The following STARD13 variants were observed in gnomAD, a reference collection of about 807,000 sequenced individuals.
STARD13 encodes the protein stAR-related lipid transfer protein 13.
In STARD13, 62 loss-of-function variants were observed where a neutral mutation model predicts 106.4. The ratio of observed to expected loss-of-function variants is 0.58; its 90% CI spans 0.48 to 0.72. The LOEUF (loss-of-function observed/expected upper bound fraction) is 0.72, where lower values mean the gene tolerates loss of function less well. Ranked by LOEUF, STARD13 falls within the 30% of genes least tolerant of loss-of-function variation. STARD13 has a pLI of 0.00. For missense variants in STARD13, 1,387 were observed against 1,424.0 expected, an observed-to-expected ratio of 0.97 and a Z score of 0.42; for synonymous variants, 565 against 553.0, an observed-to-expected ratio of 1.02 and a Z score of -0.31.
chr13:33,224,482 C>A (rs1211456199), intron 1 of STARD13, among the ~76,000 whole-genome samples: 1 of 152,148 alleles, frequency 6.6e-6, no homozygotes, highest in African/African-American at 2.4e-5. Context: ...CCATATTACT[C>A]CCTCAAGGAC....
the STARD13 span, among the ~76,000 whole-genome samples, chr13:33,432,897 C>T: frequency 1.4e-4 from 22 of 152,176 alleles, no homozygotes; most frequent in African/African-American, 2.9e-4. Context: ...AATGAAATAA[C>T]GCTTTATTTT....
chr13:33,511,486 G>A, the STARD13 span: 1 of 152,086 alleles, frequency 6.6e-6, no homozygotes, highest in Admixed American at 6.6e-5. Context: ...CTGTATTAGA[G>A]GGTGATTCCC....
the STARD13 span, among the ~76,000 whole-genome samples, chr13:33,424,000 G>A: frequency 6.6e-6 from 1 of 152,090 alleles, no homozygotes; most frequent in Non-Finnish European, 1.5e-5. Context: ...TGTAAATGAT[G>A]AGTTGATGTG....
chr13:33,121,947 G>A (rs144548129), intron 7 of STARD13, among the ~76,000 whole-genome samples: 14,489 of 151,948 alleles, frequency 0.095, 842 homozygotes, highest in East Asian at 0.25. Context: ...CTGGGTTCAA[G>A]CAATTCTCCT....
chr13:33,561,426 T>G, the STARD13 span, among the ~76,000 whole-genome samples: 1 of 151,666 alleles, frequency 6.6e-6, no homozygotes, highest in Non-Finnish European at 1.5e-5. Context: ...CTGTGATCAC[T>G]TTTAGAAATA....
chr13:33,443,888 CAAAAA>C, the STARD13 span, among the ~76,000 whole-genome samples: 2 of 50,186 alleles, frequency 4.0e-5, no homozygotes, highest in Admixed American at 4.1e-4. Context: ...GACTCAGTCT[CAAAAA>C]AAAAAAAAAA....
Position 33,110,872 on chromosome 13 carries a change from C to A in STARD13, c.2643G>T (p.Ser881=). The A allele has an allele frequency of 6.2e-7, 1 of 1,613,606 alleles. No homozygotes were observed. ...PHELVAQSRN[S]YVEAEIHVPT... is the part of the protein sequence containing the mutation. Reference sequence around the variant, plus strand: ...GCACGTGGATCTCAGCCTCCACATACGAGTTACGAGACTGGGCCACCAACT... The same window carrying A: ...GCACGTGGATCTCAGCCTCCACATAAGAGTTACGAGACTGGGCCACCAACT... The change falls in exon 11 of 14, where the codon TCG becomes TCT. Residue 881 remains serine (S), a synonymous_variant. Coordinates refer to ENST00000336934, the MANE Select transcript of STARD13 (RefSeq NM_178006.4).
chr13:33,627,866 T>C, the STARD13 span, among the ~76,000 whole-genome samples: 2 of 152,058 alleles, frequency 1.3e-5, no homozygotes, highest in Admixed American at 1.3e-4. Flanking sequence ...GCAACCACAA[T>C]AGTGAGATGA....
At chr13:33,251,440 T>A (rs1890092076) in intron 1 of STARD13, among the ~76,000 whole-genome samples, 2 of 152,352 alleles carry the variant, frequency 1.3e-5, no homozygotes, top group African/African-American at 4.8e-5. Context: ...TTAGGATGAT[T>A]CATTCCCCAG....
intron 1 of STARD13, among the ~76,000 whole-genome samples, chr13:33,248,590 C>G (rs1008250773): frequency 5.3e-5 from 8 of 152,160 alleles, no homozygotes; most frequent in African/African-American, 1.9e-4. Flanking sequence ...CTCCACACTG[C>G]TCCCCCATCC....
At chr13:33,548,086 T>C in the STARD13 span, among the ~76,000 whole-genome samples, 3 of 152,242 alleles carry the variant, frequency 2.0e-5, no homozygotes, top group African/African-American at 7.2e-5. Context: ...TCATCCCTGC[T>C]TTCTTTTACA....
At chr13:33,634,647 A>T in the STARD13 span, among the ~76,000 whole-genome samples, 1 of 152,196 alleles carries the variant, frequency 6.6e-6, no homozygotes, top group Admixed American at 6.5e-5. Context: ...TCTATGTTGT[A>T]CCAGAACTGA....
intron 1 of STARD13, among the ~76,000 whole-genome samples, chr13:33,180,889 C>T (rs916807442): frequency 6.6e-5 from 10 of 152,088 alleles, no homozygotes; most frequent in African/African-American, 1.7e-4. Flanking sequence ...TTTTGCTTCT[C>T]TAAAATAAGG....
chr13:33,201,886 G>T (rs1466240099), intron 1 of STARD13, among the ~76,000 whole-genome samples: 1 of 152,052 alleles, frequency 6.6e-6, no homozygotes, highest in Non-Finnish European at 1.5e-5. Context: ...TACATAATCT[G>T]TCAGGCAACC....
rs34427794 is a variant in STARD13, at chr13:33,329,655, ATGTG to A, written c.124+20631_124+20634del. 1.6e-3 allele frequency among the ~76,000 whole-genome samples: 236 copies of A among 143,866 alleles called. 1 individual carries two copies. The highest frequency in any genetic ancestry group is 7.1e-3 in the Middle Eastern group (2 of 280). 94.4% of individuals were successfully genotyped at this position (143,866 alleles called of 152,430 possible). On this transcript the variant is annotated intron_variant, in intron 1 of 5. Transcript: ENST00000567873. ...GAATAATATTCCATTGTGTGTGTGTATGTGTGTGTGTGTGTGTGTGTGTGTGATT... is the reference window on the plus strand; with the variant it reads ...GAATAATATTCCATTGTGTGTGTGTATGTGTGTGTGTGTGTGTGTGTGATT...
chr13:33,345,768 T>C (rs2078010668), downstream of STARD13, among the ~76,000 whole-genome samples: 1 of 152,200 alleles, frequency 6.6e-6, no homozygotes, highest in Admixed American at 6.5e-5. Context: ...ACATCATTCA[T>C]ATCTTATCTT....
At chr13:33,215,118 T>TTG (rs1377835151) in intron 1 of STARD13, among the ~76,000 whole-genome samples, 4 of 25,894 alleles carry the variant, frequency 1.5e-4, no homozygotes, top group African/African-American at 6.2e-4. Context: ...GAATGAGTAC[T>TTG]TGGGGGGGGG....
intron 1 of STARD13, among the ~76,000 whole-genome samples, chr13:33,196,570 G>T (rs181125575): frequency 6.6e-6 from 1 of 152,144 alleles, no homozygotes; most frequent in Non-Finnish European, 1.5e-5. Flanking sequence ...TTACCTCCAC[G>T]CTTGCTTTCA....
intron 1 of STARD13, among the ~76,000 whole-genome samples, chr13:33,198,001 T>A (rs569875803): frequency 6.6e-6 from 1 of 152,248 alleles, no homozygotes; most frequent in African/African-American, 2.4e-5. Flanking sequence ...AAACCCCGCC[T>A]CTACTAAAAA....
Sources: gnomAD v4.1 joint callset for allele counts (sites outside exome capture counted in the v4.1 genomes callset) on GRCh38, gnomAD v4.1.1 for gene constraint, MANE v1.5 for transcripts, NCBI Gene and HGNC (gene_info 2026-07-23, HGNC 2026-07-21) for gene names.